SETX: variants seen among roughly 807,000 people sequenced by gnomAD.
The protein encoded by SETX is senataxin.
SETX carries 90 observed loss-of-function variants against 227.2 expected under a neutral mutation model. That is an observed-to-expected ratio of 0.40 (90% CI 0.33 to 0.47). The LOEUF (loss-of-function observed/expected upper bound fraction) is 0.47. Among genes scored for constraint, SETX ranks in the 20% least tolerant of loss-of-function variants. The pLI, the probability that SETX is intolerant of heterozygous loss-of-function variation, is 0.91. For missense variants in SETX, 3,052 were observed against 3,181.5 expected (o/e 0.96, Z 0.98); for synonymous variants, 1,210 against 1,113.2 (o/e 1.09, Z -1.73).
intron 7 of SETX, 140 bp downstream of exon 7, chr9:132,334,468 A>G (rs1469819455): frequency 1.0e-6 from 1 of 969,836 alleles, no homozygotes; most frequent in Non-Finnish European, 1.6e-6. Flanking sequence ...AACAAAACAA[A>G]ATAAAAAGTC....
chr9:132,348,291 A>C (rs939914229), intron 3 of SETX, among the ~76,000 whole-genome samples: 1 of 144,778 alleles, frequency 6.9e-6, no homozygotes, highest in Non-Finnish European at 1.5e-5. Flanking sequence ...CCCACCTGGG[A>C]GGCAGAGGTT....
intron 21 of SETX, 108 bp downstream of exon 21, chr9:132,277,962 A>G: frequency 2.8e-6 from 3 of 1,089,722 alleles, no homozygotes; most frequent in Non-Finnish European, 2.8e-6. Flanking sequence ...TTAACCCTTC[A>G]TGATTTATGC....
At chr9:132,345,504 C>A (rs370993783) in intron 4 of SETX, among the ~76,000 whole-genome samples, 2 of 152,146 alleles carry the variant, frequency 1.3e-5, no homozygotes, top group East Asian at 3.8e-4. Flanking sequence ...GAACTCCTGA[C>A]CTCAGGTGCT....
Position 132,290,574 on chromosome 9 carries a change from C to CAAAAA in SETX, c.6107-1928_6107-1924dup, listed in dbSNP as rs59954158. On this transcript the variant is annotated intron_variant, in intron 15 of 25. Transcript: ENST00000224140. ...TGGGAGACAGAGCGAGACTCCGTCT[C>CAAAAA]AAAAAAAAAAAAAAAAAAAAAAAAA... is the stretch of plus-strand genomic sequence containing the variant. Among the ~76,000 whole-genome samples the CAAAAA allele has an allele frequency of 3.7e-3, 165 of 44,706 alleles. 9 individuals carry two copies. The highest frequency in any genetic ancestry group is 7.8e-3 in the African/African-American group (135 of 17,244). 29.3% of individuals were successfully genotyped at this position (44,706 alleles called of 152,430 possible).
chr9:132,264,161 T>C lies in SETX; in HGVS notation c.*78A>G, dbSNP rs1842509826. On this transcript the variant is annotated 3_prime_UTR_variant, in exon 26 of 26. Coordinates refer to ENST00000224140, the MANE Select transcript of SETX (RefSeq NM_015046.7). ...CACAAACTCCTTACAAAAAACAAGC[T>C]TATCTAGATGGTCCCACGAGCTGGT... 1.3e-6 allele frequency: 2 copies of C among 1,598,812 alleles called. No individual in the cohort carries two copies. Among genetic ancestry groups the C allele is most frequent in the African/African-American group, 1.3e-5 (1 of 74,866 alleles).
At position 132,328,843 on chromosome 9, in the gene SETX, C is replaced by T. The variant is rs561190371; in HGVS notation, c.2755G>A (p.Val919Ile). 2 of 1,613,488 alleles carry T rather than the reference C, an allele frequency of 1.2e-6. No individual in the cohort carries two copies. The highest frequency in any genetic ancestry group is 1.3e-5 in the African/African-American group (1 of 74,906). The change falls in exon 10 of 26, where the codon GTA becomes ATA. Residue 919 changes from valine to isoleucine, a missense_variant. Transcript: ENST00000224140. ...KSSPFKDLMT[V>I]PESRDEEMSN... is the part of the protein sequence containing the mutation. ...ATCTCCTCATCTCTTGATTCAGGTA[C>T]AGTCATAAGATCTTTAAAGGGAGAT...
intron 12 of SETX, 38 bp downstream of exon 12, chr9:132,300,592 A>G (rs1564507266): frequency 1.3e-6 from 2 of 1,592,626 alleles, no homozygotes; most frequent in East Asian, 2.2e-5. Flanking sequence ...ATGAGACTGT[A>G]TCTGACATTT....
In SETX at chr9:132,330,331, C is replaced by T; in HGVS notation, c.1267G>A (p.Asp423Asn). The T allele has an allele frequency of 6.2e-7, 1 of 1,613,512 alleles. No individual in the cohort carries two copies. Among genetic ancestry groups the T allele is most frequent in the South Asian group, 1.1e-5 (1 of 91,058 alleles). The part of the protein sequence containing the change: ...PFVQSLMDLK[D>N]LGVAYIAQVV... Reference sequence around the variant, plus strand: ...TGTGCTATGTAAGCCACACCCAAATCCTTAAGATCCATGAGGGACTGGACA... The same window carrying T: ...TGTGCTATGTAAGCCACACCCAAATTCTTAAGATCCATGAGGGACTGGACA... Residue 423 changes from aspartate (D) to asparagine (N), a missense_variant, in exon 10 of 26, where the codon GAT becomes AAT. Transcript: ENST00000224140.
In SETX at chr9:132,306,020, T is replaced by C. The variant is rs760731609; in HGVS notation, c.5375-5217A>G. On this transcript the variant is annotated intron_variant, in intron 11 of 25. Coordinates refer to ENST00000224140, the MANE Select transcript of SETX (RefSeq NM_015046.7). The stretch of plus-strand genomic sequence containing the variant: ...TTTTTTTGAAAAATCTGCAATTATT[T>C]CAAAATAAAAAATCAATTCCTCCAA... Among the ~76,000 whole-genome samples, 24 of 152,166 alleles carry C rather than the reference T, an allele frequency of 1.6e-4. 1 individual carries two copies. Among genetic ancestry groups the C allele is most frequent in the Non-Finnish European group, 2.8e-4 (19 of 68,020 alleles).
rs780549338 is a variant in SETX at position 132,342,807 on chromosome 9, G to A, written c.389-8C>T. ...CTTCAACACATAACTCGTCTAAAAA[G>A]AAAAAAATAAGTAAAATACATAAAT... On this transcript the variant is annotated splice_region_variant and splice_polypyrimidine_tract_variant and intron_variant, in intron 4 of 25. Transcript: ENST00000224140. The A allele has an allele frequency of 6.3e-7, 1 of 1,594,254 alleles. No individual in the cohort carries two copies. Among genetic ancestry groups the A allele is most frequent in the Non-Finnish European group, 8.6e-7 (1 of 1,163,050 alleles).
At chr9:132,352,449 T>C (rs975671367) in intron 2 of SETX, among the ~76,000 whole-genome samples, 4 of 152,232 alleles carry the variant, frequency 2.6e-5, no homozygotes, top group Non-Finnish European at 4.4e-5. Flanking sequence ...AGACTGAGAA[T>C]GTATTGTAAA....
At position 132,296,215 on chromosome 9, in the gene SETX, A is replaced by G. The variant is rs949349206; in HGVS notation, c.5950-187T>C. 3.9e-5 allele frequency among the ~76,000 whole-genome samples: 6 copies of G among 152,248 alleles called. No homozygotes were observed. The East Asian group carries it at 5.8e-4, about 15-fold the overall frequency. On this transcript the variant is annotated intron_variant, in intron 14 of 25. Transcript: ENST00000224140. ...AATTACTCCAGCAAAAAAATTTGTCATAACTGCTCTGAGCCTTACTTTATC... is the reference window on the plus strand; with the variant it reads ...AATTACTCCAGCAAAAAAATTTGTCGTAACTGCTCTGAGCCTTACTTTATC...
chr9:132,335,386 G>A (rs796672371), intron 6 of SETX, among the ~76,000 whole-genome samples: 3 of 41,504 alleles, frequency 7.2e-5, no homozygotes, highest in African/African-American at 1.8e-4. Context: ...GCAAGACTCC[G>A]TCTCAAAAAA....
chr9:132,306,222 C>T (rs1297053920), intron 11 of SETX, among the ~76,000 whole-genome samples: 1 of 152,134 alleles, frequency 6.6e-6, no homozygotes, highest in Non-Finnish European at 1.5e-5. Flanking sequence ...CTACTGACAA[C>T]AAATCTCACA....
At chr9:132,311,888 C>T (rs570459802) in intron 10 of SETX, 32 bp from the exon 11 acceptor site, 1 of 1,487,378 alleles carries the variant, frequency 6.7e-7, no homozygotes, top group South Asian at 1.1e-5. Flanking sequence ...ATTAAGAAAG[C>T]AACATTCTGG....
intron 5 of SETX, among the ~76,000 whole-genome samples, chr9:132,338,282 G>A (rs983260307): frequency 6.6e-6 from 1 of 151,790 alleles, no homozygotes; most frequent in East Asian, 1.9e-4. Context: ...TAGTAGAGAC[G>A]GGGTTTCACC....
intron 11 of SETX, among the ~76,000 whole-genome samples, chr9:132,302,845 T>C (rs1322128953): frequency 6.6e-6 from 1 of 152,112 alleles, no homozygotes; most frequent in East Asian, 1.9e-4. Flanking sequence ...GTGGTATTGG[T>C]GGAAGGCAGC....
At chr9:132,347,121 G>A (rs1361560959) in intron 3 of SETX, among the ~76,000 whole-genome samples, 1 of 151,758 alleles carries the variant, frequency 6.6e-6, no homozygotes, top group Non-Finnish European at 1.5e-5. Context: ...AGGCGTAGTG[G>A]TGCATGCCTG....
chr9:132,327,073 A>G lies in SETX; in HGVS notation c.4525T>C (p.Cys1509Arg), dbSNP rs543647990. Residue 1509 changes from cysteine to arginine, a missense_variant, in exon 10 of 26, where the codon TGT (cysteine) becomes CGT (arginine). Physicochemically the swap from Cys to Arg is radical, Grantham distance 180 (BLOSUM62 -3). Around this residue, in one of 10 missense-constraint regions of SETX, gnomAD observed 1,483 missense variants for 1,312.0 expected, o/e 1.13. Transcript: ENST00000224140. ...TQNDPEDMDL[C>R]SQMENDNYKL... ...TAATTGTCATTCTCCATTTGTGAAC[A>G]TAAATCCATATCTTCAGGATCATTT... is the stretch of plus-strand genomic sequence containing the variant. 3.7e-6 allele frequency: 6 copies of G among 1,614,232 alleles called. No homozygotes were observed. The East Asian group carries it at 8.9e-5, about 24-fold the overall frequency.
Sources: gnomAD v4.1 joint callset for allele counts (sites outside exome capture counted in the v4.1 genomes callset) on GRCh38, gnomAD v4.1.1 for gene constraint, gnomAD v4.1.1 regional missense constraint, MANE v1.5 for transcripts, NCBI Gene and HGNC (gene_info 2026-07-23, HGNC 2026-07-21) for gene names.